GALNT10: variants seen among roughly 807,000 people sequenced by gnomAD.
GALNT10 encodes GalNAc transferase 10.
Under a neutral mutation model 75.0 loss-of-function variants are expected in GALNT10, and 41 were observed. The ratio of observed to expected loss-of-function variants is 0.55; its 90% CI spans 0.43 to 0.71. The LOEUF is 0.71. Among genes scored for constraint, GALNT10 ranks in the 30% least tolerant of loss-of-function variants. GALNT10 has a pLI of 0.00. For synonymous variants in GALNT10, 302 were observed against 313.0 expected, an observed-to-expected ratio of 0.96 and a Z score of 0.37; for missense variants, 727 against 818.5, an observed-to-expected ratio of 0.89 and a Z score of 1.36.
At chr5:154,351,357 C>T (rs1487856644) in intron 4 of GALNT10, among the ~76,000 whole-genome samples, 1 of 152,232 alleles carries the variant, frequency 6.6e-6, no homozygotes, top group Non-Finnish European at 1.5e-5. Flanking sequence ...TGTGTCCACT[C>T]ATCTGGAGCT....
intron 3 of GALNT10, among the ~76,000 whole-genome samples, chr5:154,320,337 G>A (rs1754654115): frequency 6.6e-6 from 1 of 152,178 alleles, no homozygotes; most frequent in South Asian, 2.1e-4. Context: ...TTCCCTTAAT[G>A]CATGATGGTG....
intron 1 of GALNT10, among the ~76,000 whole-genome samples, chr5:154,268,103 G>T (rs542370170): frequency 6.6e-6 from 1 of 152,188 alleles, no homozygotes; most frequent in East Asian, 1.9e-4. Context: ...TTAGAAGCAG[G>T]TTTGCAGCTT....
chr5:154,325,432 C>T (rs114685434), intron 3 of GALNT10, among the ~76,000 whole-genome samples: 1,553 of 152,090 alleles, frequency 0.01, 23 homozygotes, highest in African/African-American at 0.028. Context: ...TATAGACCAG[C>T]GTGCCTTATA....
At chr5:154,325,809 A>G (rs945522033) in intron 3 of GALNT10, among the ~76,000 whole-genome samples, 7 of 152,196 alleles carry the variant, frequency 4.6e-5, no homozygotes, top group African/African-American at 1.7e-4. Context: ...AAGATCAGGA[A>G]CAAGATAAGG....
intron 1 of GALNT10, among the ~76,000 whole-genome samples, chr5:154,276,680 A>C (rs1753958022): frequency 6.6e-6 from 1 of 152,238 alleles, no homozygotes; most frequent in Non-Finnish European, 1.5e-5. Context: ...GTTTAAAAAC[A>C]CTAGTTTAGA....
chr5:154,355,044 A>G (rs1330032480), intron 4 of GALNT10, among the ~76,000 whole-genome samples: 2 of 152,232 alleles, frequency 1.3e-5, no homozygotes, highest in South Asian at 2.1e-4. Context: ...TGACATCCAC[A>G]TGATAGATGT....
chr5:154,282,059 C>A (rs1400002774), intron 1 of GALNT10, among the ~76,000 whole-genome samples: 1 of 152,164 alleles, frequency 6.6e-6, no homozygotes, highest in Non-Finnish European at 1.5e-5. Context: ...GGTCACAGTT[C>A]CTGAGGCTGG....
At chr5:154,260,291 T>C (rs1753682956) in intron 1 of GALNT10, among the ~76,000 whole-genome samples, 1 of 152,164 alleles carries the variant, frequency 6.6e-6, no homozygotes, top group Non-Finnish European at 1.5e-5. Context: ...AGGATCCAAA[T>C]CCTTGTCCTT....
intron 4 of GALNT10, among the ~76,000 whole-genome samples, chr5:154,361,031 G>T (rs1755378425): frequency 6.6e-6 from 1 of 152,096 alleles, no homozygotes; most frequent in African/African-American, 2.4e-5. Flanking sequence ...TTTATCATTA[G>T]AGAGAATATA....
At chr5:154,195,368 T>A (rs1467389608) in intron 1 of GALNT10, among the ~76,000 whole-genome samples, 1 of 152,210 alleles carries the variant, frequency 6.6e-6, no homozygotes, top group Non-Finnish European at 1.5e-5. Context: ...GAGTCTTGTT[T>A]CTCCAGAGAA....
intron 7 of GALNT10, among the ~76,000 whole-genome samples, chr5:154,398,426 C>T (rs371026425): frequency 6.6e-6 from 1 of 152,220 alleles, no homozygotes; most frequent in Non-Finnish European, 1.5e-5. Flanking sequence ...CTCTTTGTCC[C>T]CAGCTGGACT....
At position 154,409,718 on chromosome 5, in the gene GALNT10, A is replaced by C; in HGVS notation, c.1342A>C (p.Lys448Gln). Residue 448 changes from lysine to glutamine, a missense_variant, in exon 9 of 12, where the codon AAA (lysine) becomes CAA (glutamine). Coordinates refer to ENST00000297107, the MANE Select transcript of GALNT10 (RefSeq NM_198321.4). This position sits in a 1 kb window ranked among gnomAD's most constrained non-coding sequence, Gnocchi z 4.5. ...GACGAAGATAGCCTGGGACCTGCCC[A>C]AATTCTACCCACCCGTGGAGCCCCC... Reference protein sequence around the residue: ...FMTKIAWDLPKFYPPVEPPAA... With the variant: ...FMTKIAWDLPQFYPPVEPPAA... 1 of 1,614,138 alleles carries C rather than the reference A, an allele frequency of 6.2e-7. No homozygotes were observed. The highest frequency in any genetic ancestry group is 1.1e-5 in the South Asian group (1 of 91,086).
chr5:154,195,528 C>T (rs1285910505), intron 1 of GALNT10, among the ~76,000 whole-genome samples: 1 of 152,184 alleles, frequency 6.6e-6, no homozygotes, highest in Non-Finnish European at 1.5e-5. Flanking sequence ...AGATTTGGCT[C>T]TTGGAAGACA....
At chr5:154,283,511 G>A (rs544190895) in intron 1 of GALNT10, among the ~76,000 whole-genome samples, 2 of 152,142 alleles carry the variant, frequency 1.3e-5, no homozygotes, top group African/African-American at 2.4e-5. Flanking sequence ...TGAGAGTGAG[G>A]TGGGATAGGT....
At chr5:154,310,444 TTTTTTTTTG>T (rs1333303823) in intron 3 of GALNT10, among the ~76,000 whole-genome samples, 1,447 of 16,206 alleles carry the variant, frequency 0.089, 27 homozygotes, top group African/African-American at 0.14. Flanking sequence ...TTTTTTTGTT[TTTTTTTTTG>T]TTTGTTTGTT....
intron 7 of GALNT10, among the ~76,000 whole-genome samples, chr5:154,397,419 C>G (rs1008806312): frequency 6.6e-6 from 1 of 152,176 alleles, no homozygotes; most frequent in African/African-American, 2.4e-5. Flanking sequence ...ATGGATAGCT[C>G]ACGGTGTCCT....
intron 3 of GALNT10, among the ~76,000 whole-genome samples, chr5:154,310,436 TTTTTG>T (rs1222292589): frequency 3.7e-5 from 2 of 54,234 alleles, no homozygotes; most frequent in South Asian, 4.9e-4. Flanking sequence ...CACTGGGTTT[TTTTTG>T]TTTTTTTTTT....
chr5:154,249,136 CCCTTTT>C (rs1753476514), intron 1 of GALNT10, among the ~76,000 whole-genome samples: 1 of 152,234 alleles, frequency 6.6e-6, no homozygotes. Flanking sequence ...CTGGGCTTGC[CCCTTTT>C]CCTTTCACAT....
chr5:154,233,843 G>A (rs1652718428), intron 1 of GALNT10, among the ~76,000 whole-genome samples: 1 of 152,126 alleles, frequency 6.6e-6, no homozygotes, highest in South Asian at 2.1e-4. Context: ...GCAGGTAGAG[G>A]ATGTCGTGGG....
Sources: allele counts gnomAD v4.1 joint callset (sites outside exome capture counted in the v4.1 genomes callset), GRCh38; gene constraint gnomAD v4.1.1; non-coding constraint Gnocchi (gnomAD v3.1); transcripts MANE v1.5; gene names NCBI Gene and HGNC (gene_info 2026-07-23, HGNC 2026-07-21).